OPA1: variants seen among roughly 807,000 people sequenced by gnomAD.
OPA1 encodes the protein dynamin-like GTPase OPA1, mitochondrial.
In OPA1, 59 loss-of-function variants were observed where a neutral mutation model predicts 152.9. The ratio of observed to expected loss-of-function variants is 0.39; its 90% CI spans 0.31 to 0.48. The LOEUF is 0.48. Among genes scored for constraint, OPA1 ranks in the 20% least tolerant of loss-of-function variants. The probability of loss-of-function intolerance (pLI) is 0.96; values close to 1 mark genes in which losing one functional copy is unlikely to be tolerated. For missense variants in OPA1, 1,008 were observed against 1,216.8 expected (o/e 0.83, Z 2.55); for synonymous variants, 400 against 389.9 (o/e 1.03, Z -0.31).
intron 1 of OPA1, among the ~76,000 whole-genome samples, chr3:193,608,014 T>C (rs1467618841): frequency 6.6e-6 from 1 of 152,244 alleles, no homozygotes; most frequent in African/African-American, 2.4e-5. Flanking sequence ...TTTTATTCTC[T>C]TTGAAGCAAT....
At chr3:193,666,442 TA>T in intron 28 of OPA1, 53 bp downstream of exon 28, 1 of 1,344,596 alleles carries the variant, frequency 7.4e-7, no homozygotes, top group Admixed American at 1.7e-5. Context: ...ATAATAGTGG[TA>T]ATATCCATAT....
chr3:193,668,513 G>A lies in OPA1; in HGVS notation c.2983+1233G>A, dbSNP rs1289442222. On this transcript the variant is annotated intron_variant, in intron 29 of 30. Coordinates refer to ENST00000361510, the MANE Select transcript of OPA1 (RefSeq NM_130837.3). ...CCTCTCCATCTCATCCTTCCCACCCGCTAGCCTCTGCCCGACCCCAGACAG... is the reference window on the plus strand; with the variant it reads ...CCTCTCCATCTCATCCTTCCCACCCACTAGCCTCTGCCCGACCCCAGACAG... The A allele has an allele frequency of 1.5e-5, 23 of 1,548,114 alleles. No individual in the cohort carries two copies. In the East Asian group the frequency reaches 2.2e-4, roughly 15 times the overall value.
chr3:193,624,610 GATC>G (rs1335570387), intron 6 of OPA1, among the ~76,000 whole-genome samples: 2 of 152,012 alleles, frequency 1.3e-5, no homozygotes, highest in Non-Finnish European at 2.9e-5. Context: ...GTTTGTTAAT[GATC>G]ATAAAACTGA....
At chr3:193,672,723 G>T (rs1251279340) in intron 29 of OPA1, among the ~76,000 whole-genome samples, 1 of 152,078 alleles carries the variant, frequency 6.6e-6, no homozygotes, top group Non-Finnish European at 1.5e-5. Flanking sequence ...GCGAAAATTA[G>T]CTGGGCATGG....
chr3:193,628,138 A>G (rs1731463136), intron 7 of OPA1, among the ~76,000 whole-genome samples: 1 of 152,104 alleles, frequency 6.6e-6, no homozygotes, highest in African/African-American at 2.4e-5. Flanking sequence ...TTATCATTCC[A>G]GGCATGTGAG....
intron 1 of OPA1, among the ~76,000 whole-genome samples, chr3:193,597,460 G>A (rs1402980632): frequency 6.6e-6 from 1 of 152,144 alleles, no homozygotes; most frequent in Non-Finnish European, 1.5e-5. Flanking sequence ...GGAGGCCGAG[G>A]TGGGCGGATC....
intron 6 of OPA1, among the ~76,000 whole-genome samples, chr3:193,622,322 G>A (rs528627945): frequency 8.6e-5 from 12 of 139,862 alleles, no homozygotes; most frequent in South Asian, 2.3e-4. Context: ...TCTGCCTCCC[G>A]GGTTCAAGCG....
intron 7 of OPA1, among the ~76,000 whole-genome samples, chr3:193,629,214 G>T (rs943563998): frequency 6.6e-5 from 10 of 151,910 alleles, no homozygotes; most frequent in Non-Finnish European, 1.3e-4. Context: ...CACCTGGCCA[G>T]CTGTCTTTTA....
At chr3:193,641,989 A>T (rs1733848029) in intron 11 of OPA1, among the ~76,000 whole-genome samples, 1 of 152,146 alleles carries the variant, frequency 6.6e-6, no homozygotes, top group Admixed American at 6.5e-5. Flanking sequence ...GGTGGCGGGC[A>T]TCTGTAATCC....
At position 193,662,295 on chromosome 3, in the gene OPA1, G is replaced by A. The variant is rs569326029; in HGVS notation, c.2521-527G>A. On this transcript the variant is annotated intron_variant, in intron 25 of 30. Coordinates refer to ENST00000361510, the MANE Select transcript of OPA1 (RefSeq NM_130837.3). ...AGATACCTCACAGGAGCAGTCTGAA[G>A]TACCATTTTTTATGAAAAAGCTTTT... Among the ~76,000 whole-genome samples the A allele has an allele frequency of 5.3e-5, 8 of 152,232 alleles. No homozygotes were observed. In the South Asian group the frequency reaches 1.7e-3, roughly 32 times the overall value.
chr3:193,641,324 C>T (rs138940933), intron 11 of OPA1, among the ~76,000 whole-genome samples: 1 of 152,224 alleles, frequency 6.6e-6, no homozygotes, highest in East Asian at 1.9e-4. Flanking sequence ...CCCTGAATTC[C>T]AGTTTTTTGT....
intron 29 of OPA1, among the ~76,000 whole-genome samples, chr3:193,686,667 A>G (rs1439055380): frequency 6.6e-6 from 1 of 152,148 alleles, no homozygotes; most frequent in South Asian, 2.1e-4. Context: ...CTAAAGGGCA[A>G]GTATATAGTG....
intron 22 of OPA1, among the ~76,000 whole-genome samples, chr3:193,656,283 GAGA>G (rs1713792354): frequency 6.6e-6 from 1 of 151,636 alleles, no homozygotes; most frequent in Non-Finnish European, 1.5e-5. Context: ...TAGATCTGGT[GAGA>G]AGGTCAGGAA....
chr3:193,600,474 C>A (rs1323760025), intron 1 of OPA1, among the ~76,000 whole-genome samples: 3 of 152,156 alleles, frequency 2.0e-5, no homozygotes, highest in Non-Finnish European at 2.9e-5. Flanking sequence ...ACCAAGGGGA[C>A]TATTATTATG....
At chr3:193,631,040 G>A (rs1365458348) in intron 7 of OPA1, among the ~76,000 whole-genome samples, 1 of 152,150 alleles carries the variant, frequency 6.6e-6, no homozygotes, top group East Asian at 1.9e-4. Flanking sequence ...GAATTTAAAA[G>A]CAAGCATTTG....
intron 25 of OPA1, among the ~76,000 whole-genome samples, chr3:193,660,702 T>G (rs80057698): frequency 7.0e-6 from 1 of 142,028 alleles, no homozygotes; most frequent in African/African-American, 2.8e-5. Context: ...TTCTTTACTA[T>G]TTTTTTTTTT....
chr3:193,622,048 A>G (rs951337343), intron 6 of OPA1, among the ~76,000 whole-genome samples: 1 of 152,142 alleles, frequency 6.6e-6, no homozygotes, highest in African/African-American at 2.4e-5. Context: ...GGTCATAAGC[A>G]TCTCACAGAA....
chr3:193,647,192 T>G lies in OPA1; in HGVS notation c.1870+12T>G. The G allele has an allele frequency of 6.4e-7, 1 of 1,569,048 alleles. No individual in the cohort carries two copies. Among genetic ancestry groups the G allele is most frequent in the Non-Finnish European group, 8.8e-7 (1 of 1,141,288 alleles). On this transcript the variant is annotated intron_variant, in intron 19 of 30. Coordinates refer to ENST00000361510, the MANE Select transcript of OPA1 (RefSeq NM_130837.3). ...TGATAGTTTCAAAGGTAAGTTGGAT[T>G]TTTTAAAGAAGCAAGCAAATTAAGA...
chr3:193,663,531 A>C (rs1715803972), intron 26 of OPA1, among the ~76,000 whole-genome samples: 1 of 152,162 alleles, frequency 6.6e-6, no homozygotes, highest in African/African-American at 2.4e-5. Context: ...AATTTTAAAA[A>C]ATACTTTCGG....
Sources: gnomAD v4.1 joint callset for allele counts (sites outside exome capture counted in the v4.1 genomes callset) on GRCh38, gnomAD v4.1.1 for gene constraint, MANE v1.5 for transcripts, NCBI Gene and HGNC (gene_info 2026-07-23, HGNC 2026-07-21) for gene names.